Variants in RGS7 observed in about 807,000 individuals in gnomAD.
The protein encoded by RGS7 is regulator of G-protein signaling 7.
Under a neutral mutation model 81.1 loss-of-function variants are expected in RGS7, and 27 were observed. The observed-to-expected ratio is 0.33, with a 90% CI of 0.25 to 0.46. The LOEUF is 0.46. Among genes scored for constraint, RGS7 ranks in the 20% least tolerant of loss-of-function variants. RGS7 has a pLI of 1.00. For missense variants in RGS7, 396 were observed against 607.4 expected (o/e 0.65, Z 3.66); for synonymous variants, 208 against 207.7 (o/e 1.00, Z -0.01).
intron 2 of RGS7, among the ~76,000 whole-genome samples, chr1:241,102,331 T>TG (rs2064813627): frequency 3.3e-5 from 5 of 152,142 alleles, no homozygotes; most frequent in African/African-American, 4.8e-5. Flanking sequence ...CCCTCTTGGC[T>TG]AACGGGACCC....
At chr1:241,094,065 G>C (rs1395246340) in intron 3 of RGS7, among the ~76,000 whole-genome samples, 1 of 151,754 alleles carries the variant, frequency 6.6e-6, no homozygotes, top group Non-Finnish European at 1.5e-5. Context: ...CTGAGGACTG[G>C]GGCAAGAGCT....
rs146161504 is a variant in RGS7 at position 240,863,770 on chromosome 1, C to T, written c.609+4817G>A. On this transcript the variant is annotated intron_variant, in intron 9 of 18. Transcript: ENST00000440928. ...ATATGTGAAAACCGTTTTAAAATAC[C>T]ATTTTAAAATACAACAAGACACCTA... 6.9e-3 allele frequency among the ~76,000 whole-genome samples: 1,049 copies of T among 152,008 alleles called. 5 individuals carry two copies. Among genetic ancestry groups the T allele is most frequent in the Non-Finnish European group, 0.011 (728 of 67,988 alleles).
intron 2 of RGS7, among the ~76,000 whole-genome samples, chr1:241,170,147 T>G (rs1206490274): frequency 6.6e-6 from 1 of 152,160 alleles, no homozygotes; most frequent in Non-Finnish European, 1.5e-5. Context: ...CTTGACATGC[T>G]AATTCCATAT....
rs542025889 is a variant in RGS7 at position 241,116,515 on chromosome 1, AC to A, written c.79-17754del. 3.1e-3 allele frequency among the ~76,000 whole-genome samples: 471 copies of A among 152,254 alleles called. 6 individuals are homozygous for A. The highest frequency in any genetic ancestry group is 0.01 in the African/African-American group (436 of 41,550). On this transcript the variant is annotated intron_variant, in intron 2 of 18. Coordinates refer to ENST00000440928, the MANE Select transcript of RGS7 (RefSeq NM_001364886.1). ...ATGCTGTGGATACCTGTGACACAAG[AC>A]CTGGCTTTCCTTAATGCCTATCTAA...
chr1:240,841,824 C>CTTGAAAGAAAAT (rs1658059560), intron 9 of RGS7, among the ~76,000 whole-genome samples: 1 of 152,154 alleles, frequency 6.6e-6, no homozygotes, highest in Non-Finnish European at 1.5e-5. Flanking sequence ...CTGCATCACA[C>CTTGAAAGAAAAT]TTGAAAGAAA....
intron 3 of RGS7, among the ~76,000 whole-genome samples, chr1:241,087,272 G>A (rs1168410945): frequency 6.6e-6 from 1 of 152,096 alleles, no homozygotes; most frequent in Non-Finnish European, 1.5e-5. Context: ...GATTTATACT[G>A]TGAATAAAAT....
At chr1:241,305,420 A>G (rs888419632) in intron 2 of RGS7, among the ~76,000 whole-genome samples, 1 of 152,102 alleles carries the variant, frequency 6.6e-6, no homozygotes, top group Non-Finnish European at 1.5e-5. Context: ...TAGGGAAGGG[A>G]TGCAGAGAAT....
intron 6 of RGS7, among the ~76,000 whole-genome samples, chr1:240,870,428 C>G (rs142764567): frequency 4.6e-5 from 7 of 152,072 alleles, no homozygotes; most frequent in Admixed American, 1.3e-4. Context: ...CAGCCACACA[C>G]TCCTAGGCTC....
chr1:241,207,129 C>A (rs540650175), intron 2 of RGS7, among the ~76,000 whole-genome samples: 1 of 151,376 alleles, frequency 6.6e-6, no homozygotes, highest in South Asian at 2.1e-4. Flanking sequence ...CCACCACGCC[C>A]GGCTAATTTT....
chr1:241,128,777 C>CAAAAAA (rs71172680), intron 2 of RGS7, among the ~76,000 whole-genome samples: 5 of 77,952 alleles, frequency 6.4e-5, no homozygotes, highest in East Asian at 4.1e-4. Context: ...GAATAATAGG[C>CAAAAAA]AAAAAAAAAA....
rs777506102 is a variant in RGS7, at chr1:240,811,946, C to G, written c.1054G>C (p.Glu352Gln). 1.9e-6 allele frequency: 3 copies of G among 1,613,694 alleles called. No individual in the cohort carries two copies. Among genetic ancestry groups the G allele is most frequent in the Non-Finnish European group, 2.5e-6 (3 of 1,179,588 alleles). The change falls in exon 14 of 19, where the codon GAG becomes CAG. Residue 352 changes from glutamate (E) to glutamine (Q), a missense_variant. Transcript: ENST00000440928. ...VGREQFLKFL[E>Q]SEFSSENLRF... ...AAATTTTCCGAGCTGAATTCTGACT[C>G]TAGAAATTTAAGGAACTGTTCTCTC...
At chr1:241,295,277 T>C (rs1480687025) in intron 2 of RGS7, among the ~76,000 whole-genome samples, 1 of 141,432 alleles carries the variant, frequency 7.1e-6, no homozygotes, top group Non-Finnish European at 1.6e-5. Context: ...TGAAACCCCG[T>C]CTCTACTAAA....
chr1:240,843,400 A>G (rs1275863847), intron 9 of RGS7, among the ~76,000 whole-genome samples: 2 of 151,686 alleles, frequency 1.3e-5, no homozygotes, highest in Non-Finnish European at 2.9e-5. Context: ...TAAGTAGCTG[A>G]GACTACAGGT....
chr1:241,350,881 C>T lies in RGS7; in HGVS notation c.78+4818G>A, dbSNP rs530749313. ...CCCACTGAGTTAATGTAGAATATGT[C>T]AGCTAGCTCAATGCTAAGAGACCAG... is the stretch of plus-strand genomic sequence containing the variant. On this transcript the variant is annotated intron_variant, in intron 2 of 18. Coordinates refer to ENST00000440928, the MANE Select transcript of RGS7 (RefSeq NM_001364886.1). Among the ~76,000 whole-genome samples, 11 of 152,236 alleles carry T rather than the reference C, an allele frequency of 7.2e-5. No individual in the cohort carries two copies. In the East Asian group the frequency reaches 2.1e-3, roughly 29 times the overall value.
chr1:240,988,030 A>AG (rs755467243), intron 3 of RGS7, among the ~76,000 whole-genome samples: 10 of 152,134 alleles, frequency 6.6e-5, no homozygotes, highest in Non-Finnish European at 1.5e-4. Flanking sequence ...AAGAATGTCT[A>AG]GCGAAGCAAA....
At chr1:240,792,798 CT>C (rs1254560399) in intron 18 of RGS7, among the ~76,000 whole-genome samples, 6 of 152,254 alleles carry the variant, frequency 3.9e-5, no homozygotes, top group African/African-American at 1.4e-4. Flanking sequence ...CATATCTGTC[CT>C]TTTGCAAAGT....
intron 2 of RGS7, among the ~76,000 whole-genome samples, chr1:241,141,338 G>A (rs141406176): frequency 1.1e-4 from 17 of 152,254 alleles, no homozygotes; most frequent in African/African-American, 2.9e-4. Flanking sequence ...GAATCCCCAC[G>A]TGCTGTAACT....
chr1:241,068,258 A>ATATATATATATATATATATATAT (rs372573670), intron 3 of RGS7, among the ~76,000 whole-genome samples: 1 of 48,890 alleles, frequency 2.0e-5, no homozygotes, highest in African/African-American at 6.9e-5. Flanking sequence ...ATATATATAT[A>ATATATATATATATATATATATAT]AAATATTGTG....
chr1:240,990,416 A>G (rs1686291484), intron 3 of RGS7, among the ~76,000 whole-genome samples: 1 of 152,238 alleles, frequency 6.6e-6, no homozygotes, highest in Admixed American at 6.5e-5. Context: ...AACTTATTAT[A>G]GTCCCGTAAA....
Sources: allele counts gnomAD v4.1 joint callset (sites outside exome capture counted in the v4.1 genomes callset), GRCh38; gene constraint gnomAD v4.1.1; transcripts MANE v1.5; gene names NCBI Gene and HGNC (gene_info 2026-07-23, HGNC 2026-07-21).